The following KIF6 variants were observed in gnomAD, a reference collection of about 807,000 sequenced individuals.
KIF6 encodes kinesin family member 6.
A neutral mutation model predicts 112.7 loss-of-function variants in KIF6; 106 were observed. The ratio of observed to expected loss-of-function variants is 0.94; its 90% CI spans 0.80 to 1.11. The LOEUF (loss-of-function observed/expected upper bound fraction) is 1.11. Among genes scored for constraint, KIF6 ranks in the 50% least tolerant of loss-of-function variants. The pLI is 0.00. For missense variants in KIF6, 929 were observed against 964.0 expected (o/e 0.96, Z 0.48); for synonymous variants, 339 against 339.9 (o/e 1.00, Z 0.03).
intron 13 of KIF6, among the ~76,000 whole-genome samples, chr6:39,437,034 GT>G (rs1228789862): frequency 1.4e-5 from 2 of 147,768 alleles, no homozygotes; most frequent in Non-Finnish European, 3.0e-5. Flanking sequence ...TGTCATCTAT[GT>G]TTTTTTTCAT....
intron 15 of KIF6, among the ~76,000 whole-genome samples, chr6:39,404,482 G>A (rs908405820): frequency 2.0e-4 from 30 of 152,264 alleles, no homozygotes; most frequent in Admixed American, 2.0e-3. Context: ...GAACCTTACA[G>A]GTGTGGGTCT....
intron 10 of KIF6, among the ~76,000 whole-genome samples, chr6:39,576,394 G>T (rs1051986831): frequency 3.9e-5 from 6 of 152,144 alleles, no homozygotes; most frequent in Non-Finnish European, 5.9e-5. Context: ...AAAGTGCTGG[G>T]ATTACAGATG....
intron 20 of KIF6, 85 bp from the exon 21 acceptor site, chr6:39,345,874 T>C: frequency 1.1e-6 from 1 of 923,182 alleles, no homozygotes; most frequent in Non-Finnish European, 1.7e-6. Flanking sequence ...GGAGCTGTTA[T>C]GGACTGAATG....
intron 3 of KIF6, among the ~76,000 whole-genome samples, chr6:39,711,099 G>T (rs916329730): frequency 6.8e-6 from 1 of 146,120 alleles, no homozygotes; most frequent in African/African-American, 2.5e-5. Context: ...AAAAAAGAAA[G>T]AATTTTTTTT....
At chr6:39,508,036 TTTC>T (rs1776541868) in intron 13 of KIF6, among the ~76,000 whole-genome samples, 1 of 145,592 alleles carries the variant, frequency 6.9e-6, no homozygotes, top group Admixed American at 7.0e-5. Context: ...CTCTTTTTTC[TTTC>T]TTCTTCTGTC....
chr6:39,517,630 T>G (rs987246591), intron 13 of KIF6, among the ~76,000 whole-genome samples: 2 of 152,216 alleles, frequency 1.3e-5, no homozygotes, highest in African/African-American at 4.8e-5. Context: ...TTCTATTTGC[T>G]AACGGCAGGA....
At chr6:39,454,347 T>C (rs1772897777) in intron 13 of KIF6, among the ~76,000 whole-genome samples, 1 of 151,880 alleles carries the variant, frequency 6.6e-6, no homozygotes, top group African/African-American at 2.4e-5. Context: ...ACATGTGTAA[T>C]AGGAAGCTCC....
chr6:39,466,103 G>T (rs1773769219), intron 13 of KIF6, among the ~76,000 whole-genome samples: 2 of 152,146 alleles, frequency 1.3e-5, no homozygotes, highest in African/African-American at 2.4e-5. Flanking sequence ...ACAGGACATT[G>T]CACTCCAGGA....
intron 3 of KIF6, among the ~76,000 whole-genome samples, chr6:39,659,835 T>C (rs529305191): frequency 6.6e-5 from 10 of 152,336 alleles, no homozygotes; most frequent in African/African-American, 2.4e-4. Flanking sequence ...AGTGTGAGAA[T>C]GGACTAATAC....
At chr6:39,431,276 G>A in intron 13 of KIF6, 115 bp from the exon 14 acceptor site, 1 of 647,770 alleles carries the variant, frequency 1.5e-6, no homozygotes, top group East Asian at 2.8e-5. Flanking sequence ...CCACAGCAGA[G>A]AGACTCTGAC....
Position 39,343,802 on chromosome 6 carries a change from G to T in KIF6, c.2335C>A (p.Pro779Thr). 6.2e-7 allele frequency: 1 copy of T among 1,604,060 alleles called. No individual in the cohort carries two copies. The highest frequency in any genetic ancestry group is 1.3e-5 in the African/African-American group (1 of 74,582). The change falls in exon 22 of 23, where the codon CCA becomes ACA. Residue 779 changes from proline to threonine, a missense_variant. By Grantham distance (38) the Pro-to-Thr change is conservative (BLOSUM62 -1). This residue lies in a region of KIF6 where 241 missense variants were observed against 301.4 expected (regional missense o/e 0.80). Transcript: ENST00000287152. This position sits in a 1 kb window ranked among gnomAD's most constrained non-coding sequence, Gnocchi z 4.1. ...TPLEDSIPKR[P>T]VSSIPLTGDS... ...CCGGTGAGAGGGATGGACGACACTGGCCTCTTGGGGATGCTGGAGGCAACC... is the reference window on the plus strand; with the variant it reads ...CCGGTGAGAGGGATGGACGACACTGTCCTCTTGGGGATGCTGGAGGCAACC...
rs554731687 is a variant in KIF6, at chr6:39,463,828, G to C, written c.1646-32667C>G. On this transcript the variant is annotated intron_variant, in intron 13 of 22. Transcript: ENST00000287152. ...CTAAATCTGCCCCTATCTTCTGCTG[G>C]CCTTTCAGATTTTAACCAAATAAGT... Among the ~76,000 whole-genome samples, 5 of 152,108 alleles carry C rather than the reference G, an allele frequency of 3.3e-5. 1 individual carries two copies. The South Asian group carries it at 1.0e-3, about 32-fold the overall frequency.
chr6:39,586,112 T>C, intron 8 of KIF6, 149 bp downstream of exon 8: 2 of 687,662 alleles, frequency 2.9e-6, no homozygotes, highest in East Asian at 5.3e-5. Flanking sequence ...CTATAACAAA[T>C]AGCCCACAGC....
At chr6:39,466,193 G>C (rs905710481) in intron 13 of KIF6, among the ~76,000 whole-genome samples, 1 of 152,140 alleles carries the variant, frequency 6.6e-6, no homozygotes, top group Non-Finnish European at 1.5e-5. Context: ...AAGTTGTTCT[G>C]ATAAAGCTTT....
chr6:39,437,710 T>C (rs1224426246), intron 13 of KIF6, among the ~76,000 whole-genome samples: 5 of 152,158 alleles, frequency 3.3e-5, no homozygotes, highest in Non-Finnish European at 7.4e-5. Flanking sequence ...TTTATAAAAA[T>C]GCAACTACAG....
intron 13 of KIF6, among the ~76,000 whole-genome samples, chr6:39,460,366 G>A (rs1347115364): frequency 2.2e-5 from 2 of 91,448 alleles, no homozygotes; most frequent in Non-Finnish European, 4.0e-5. Flanking sequence ...ACACTCCGGG[G>A]ACTGTGGTGG....
chr6:39,643,815 T>C (rs1409888872), intron 3 of KIF6, among the ~76,000 whole-genome samples: 1 of 152,014 alleles, frequency 6.6e-6, no homozygotes. Context: ...AGGAAAAAAA[T>C]AAGCTGCACT....
chr6:39,582,056 A>T (rs1781327465), intron 9 of KIF6, among the ~76,000 whole-genome samples: 1 of 152,186 alleles, frequency 6.6e-6, no homozygotes. Flanking sequence ...TCTTAGGATC[A>T]TCAATCTATA....
At chr6:39,658,342 C>G (rs2150805933) in intron 3 of KIF6, among the ~76,000 whole-genome samples, 1 of 152,210 alleles carries the variant, frequency 6.6e-6, no homozygotes, top group East Asian at 1.9e-4. Flanking sequence ...ATTCACACTG[C>G]ATTAAAAATT....
Sources: gnomAD v4.1 joint callset for allele counts (sites outside exome capture counted in the v4.1 genomes callset) on GRCh38, gnomAD v4.1.1 for gene constraint, gnomAD v4.1.1 regional missense constraint, Gnocchi (gnomAD v3.1) non-coding constraint, MANE v1.5 for transcripts, NCBI Gene and HGNC (gene_info 2026-07-23, HGNC 2026-07-21) for gene names.